Variants in ARMC3 observed in about 807,000 individuals in gnomAD.
ARMC3 encodes the protein armadillo repeat containing 3, also known as armadillo repeat-containing protein 3.
A neutral mutation model predicts 90.3 loss-of-function variants in ARMC3; 74 were observed. That is an observed-to-expected ratio of 0.82 (90% CI 0.68 to 0.99). The LOEUF (loss-of-function observed/expected upper bound fraction) is 0.99, where lower values mean the gene tolerates loss of function less well. Ranked by LOEUF, ARMC3 falls within the 50% of genes least tolerant of loss-of-function variation. The pLI is 0.00. For synonymous variants in ARMC3, 334 were observed against 361.8 expected, an observed-to-expected ratio of 0.92 and a Z score of 0.87; for missense variants, 958 against 1,042.8, an observed-to-expected ratio of 0.92 and a Z score of 1.12.
chr10:23,025,349 TA>T (rs200733889), intron 16 of ARMC3, among the ~76,000 whole-genome samples: 1 of 151,668 alleles, frequency 6.6e-6, no homozygotes, highest in Non-Finnish European at 1.5e-5. Context: ...CCCTGAGCCA[TA>T]AAAAAAACCT....
intron 8 of ARMC3, among the ~76,000 whole-genome samples, chr10:22,971,737 G>A (rs7089206): frequency 0.17 from 26,382 of 151,492 alleles, 2,388 homozygotes; most frequent in South Asian, 0.2. Flanking sequence ...CACCATGCCC[G>A]TCCTCTATTT....
At chr10:22,963,027 A>C (rs2131265295) in intron 7 of ARMC3, among the ~76,000 whole-genome samples, 1 of 152,298 alleles carries the variant, frequency 6.6e-6, no homozygotes, top group African/African-American at 2.4e-5. Flanking sequence ...CAGAAATGTT[A>C]CTTAATTTGC....
intron 6 of ARMC3, 29 bp downstream of exon 6, chr10:22,959,603 A>T (rs1196214984): frequency 1.3e-6 from 2 of 1,549,798 alleles, no homozygotes; most frequent in African/African-American, 1.4e-5. Context: ...AAGCGTTCTG[A>T]TGAAAGCTCA....
At chr10:22,977,302 T>A (rs777617478) in intron 8 of ARMC3, among the ~76,000 whole-genome samples, 3 of 152,230 alleles carry the variant, frequency 2.0e-5, no homozygotes, top group Non-Finnish European at 2.9e-5. Context: ...CACTCTGCTC[T>A]ACATCTGCTA....
chr10:22,931,682 T>A (rs1298406787), intron 1 of ARMC3, among the ~76,000 whole-genome samples: 2 of 152,234 alleles, frequency 1.3e-5, no homozygotes, highest in Admixed American at 1.3e-4. Flanking sequence ...CTTAAGCCCA[T>A]CATAAGCAAG....
chr10:23,013,748 A>C lies in ARMC3; in HGVS notation c.2045+4817A>C, dbSNP rs1838133972. Among the ~76,000 whole-genome samples, 5 of 152,194 alleles carry C rather than the reference A, an allele frequency of 3.3e-5. No individual in the cohort carries two copies. In the South Asian group the frequency reaches 1.0e-3, roughly 32 times the overall value. On this transcript the variant is annotated intron_variant, in intron 16 of 18. Coordinates refer to ENST00000298032, the MANE Select transcript of ARMC3 (RefSeq NM_173081.5). The stretch of plus-strand genomic sequence containing the variant: ...AGCCCTTAGTCATCCCATGAAACTG[A>C]AACTCCTTTGTGAATGGATTCTATC...
intron 16 of ARMC3, among the ~76,000 whole-genome samples, chr10:23,022,160 G>A (rs1838536943): frequency 6.6e-6 from 1 of 152,028 alleles, no homozygotes; most frequent in Admixed American, 6.5e-5. Flanking sequence ...TCAAAATATT[G>A]AATGCTTTTA....
intron 16 of ARMC3, among the ~76,000 whole-genome samples, chr10:23,009,895 G>C (rs776500105): frequency 6.6e-5 from 10 of 152,154 alleles, no homozygotes; most frequent in Non-Finnish European, 1.3e-4. Flanking sequence ...AAGCCTGTAA[G>C]GGCCACGGTG....
intron 12 of ARMC3, among the ~76,000 whole-genome samples, 168 bp downstream of exon 12, chr10:23,002,223 G>A (rs1837331020): frequency 6.6e-6 from 1 of 152,232 alleles, no homozygotes; most frequent in African/African-American, 2.4e-5. Flanking sequence ...CCACCTGGAG[G>A]CAAGGGGGTC....
At chr10:22,992,424 C>T (rs1824852) in intron 10 of ARMC3, among the ~76,000 whole-genome samples, 4 of 151,776 alleles carry the variant, frequency 2.6e-5, no homozygotes, top group Non-Finnish European at 5.9e-5. Flanking sequence ...TAGCATTTTG[C>T]GGGGGGCATT....
Position 22,981,452 on chromosome 10 carries a change from G to A in ARMC3, c.1029G>A (p.Met343Ile), listed in dbSNP as rs749675427. 69 of 1,613,932 alleles carry A rather than the reference G, an allele frequency of 4.3e-5. No individual in the cohort carries two copies. The highest frequency in any genetic ancestry group is 5.6e-5 in the Non-Finnish European group (66 of 1,180,004). ...CTGCTTCCCAAGCTATTTCAGCAATGTGTGAGAATTCAGGCAGCAAAGATT... is the reference window on the plus strand; with the variant it reads ...CTGCTTCCCAAGCTATTTCAGCAATATGTGAGAATTCAGGCAGCAAAGATT... ...KIAASQAISA[M>I]CENSGSKDFF... is the part of the protein sequence containing the mutation. Residue 343 changes from methionine (M) to isoleucine (I), a missense_variant, in exon 9 of 19, where the codon ATG becomes ATA. Physicochemically the swap from Met to Ile is conservative, Grantham distance 10. Transcript: ENST00000298032.
At chr10:23,024,710 G>C (rs754670046) in intron 16 of ARMC3, among the ~76,000 whole-genome samples, 18 of 151,980 alleles carry the variant, frequency 1.2e-4, no homozygotes, top group Non-Finnish European at 1.5e-5. Context: ...CCATAAATAA[G>C]TCAAGATGGA....
intron 16 of ARMC3, among the ~76,000 whole-genome samples, chr10:23,015,865 A>G (rs1000529719): frequency 2.6e-5 from 4 of 152,234 alleles, no homozygotes; most frequent in Non-Finnish European, 5.9e-5. Context: ...CAATTCATTC[A>G]TTCAACAAAT....
At chr10:23,013,452 T>C (rs1222172459) in intron 16 of ARMC3, among the ~76,000 whole-genome samples, 1 of 152,246 alleles carries the variant, frequency 6.6e-6, no homozygotes, top group African/African-American at 2.4e-5. Flanking sequence ...ATTATTTAGC[T>C]ATAGTTTTTT....
intron 4 of ARMC3, among the ~76,000 whole-genome samples, chr10:22,957,884 C>A (rs1489277786): frequency 6.6e-6 from 1 of 152,064 alleles, no homozygotes. Flanking sequence ...TACTTACATA[C>A]CATTGAATTT....
intron 1 of ARMC3, among the ~76,000 whole-genome samples, chr10:22,929,284 AAG>A (rs1204453923): frequency 1.3e-5 from 2 of 148,820 alleles, no homozygotes; most frequent in African/African-American, 2.5e-5. Context: ...GAGAGAGAGA[AAG>A]AGAGAGAGAA....
rs766841367 is a variant in ARMC3, at chr10:22,987,003, A to G, written c.1175+5303A>G. Among the ~76,000 whole-genome samples, 3 of 152,220 alleles carry G rather than the reference A, an allele frequency of 2.0e-5. No homozygotes were observed. In the South Asian group the frequency reaches 6.2e-4, roughly 32 times the overall value. On this transcript the variant is annotated intron_variant, in intron 10 of 18. Coordinates refer to ENST00000298032, the MANE Select transcript of ARMC3 (RefSeq NM_173081.5). The stretch of plus-strand genomic sequence containing the variant: ...AATAAAAGGTGTGAAGGCTAAAACA[A>G]TGCCTGTAGAAAGGAACAAATAAAA...
intron 1 of ARMC3, among the ~76,000 whole-genome samples, chr10:22,931,323 A>G (rs1833922456): frequency 1.3e-5 from 2 of 152,250 alleles, no homozygotes; most frequent in African/African-American, 4.8e-5. Context: ...ACATGGACAT[A>G]TGAGGACAAG....
intron 2 of ARMC3, among the ~76,000 whole-genome samples, chr10:22,939,329 C>A (rs1195618594): frequency 3.3e-5 from 5 of 152,138 alleles, no homozygotes; most frequent in Non-Finnish European, 5.9e-5. Flanking sequence ...GAAGTCTAAT[C>A]TGTATGGGGT....
Sources: allele counts gnomAD v4.1 joint callset (sites outside exome capture counted in the v4.1 genomes callset), GRCh38; gene constraint gnomAD v4.1.1; transcripts MANE v1.5; gene names NCBI Gene and HGNC (gene_info 2026-07-23, HGNC 2026-07-21).